The following TBC1D1 variants were observed in gnomAD, a reference collection of about 807,000 sequenced individuals.
TBC1D1 encodes TBC1 domain family member 1.
A neutral mutation model predicts 125.6 loss-of-function variants in TBC1D1; 89 were observed. That is an observed-to-expected ratio of 0.71 (90% CI 0.60 to 0.85). TBC1D1 has a LOEUF of 0.85. TBC1D1 is among the 40% of genes least tolerant of loss of function. TBC1D1 has a pLI of 0.00. For missense variants in TBC1D1, 1,377 were observed against 1,469.2 expected, an observed-to-expected ratio of 0.94 and a Z score of 1.03; for synonymous variants, 565 against 564.1, an observed-to-expected ratio of 1.00 and a Z score of -0.02.
chr4:38,065,031 A>G (rs148852108), intron 12 of TBC1D1, among the ~76,000 whole-genome samples: 61 of 152,094 alleles, frequency 4.0e-4, no homozygotes, highest in African/African-American at 1.3e-3. Context: ...CCTGAGTTCA[A>G]GTGATTCTCC....
At chr4:37,965,981 G>A (rs1341312174) in intron 2 of TBC1D1, among the ~76,000 whole-genome samples, 1 of 151,932 alleles carries the variant, frequency 6.6e-6, no homozygotes, top group African/African-American at 2.4e-5. Context: ...TCCTGACCTC[G>A]AGTGATTCAC....
intron 11 of TBC1D1, 96 bp from the exon 12 acceptor site, chr4:38,051,803 C>T: frequency 8.1e-7 from 1 of 1,236,926 alleles, no homozygotes; most frequent in Non-Finnish European, 1.1e-6. Context: ...AACAACGAGA[C>T]AAAAGCGGTG....
chr4:38,133,251 G>T lies in TBC1D1; in HGVS notation c.3300G>T (p.Gln1100His), dbSNP rs941735780. The T allele has an allele frequency of 3.7e-6, 6 of 1,611,696 alleles. No homozygotes were observed. The highest frequency in any genetic ancestry group is 1.7e-5 in the Admixed American group (1 of 59,396). Reference sequence around the variant, plus strand: ...AACAGAACCTTGACCTCCTTGAACAGTTGCAGGTAGAGCATATTTATAAAG... The same window carrying T: ...AACAGAACCTTGACCTCCTTGAACATTTGCAGGTAGAGCATATTTATAAAG... The change falls in exon 19 of 20, where the codon CAG (glutamine) becomes CAT (histidine). Residue 1100 changes from glutamine to histidine, a missense_variant. By Grantham distance (24) the Gln-to-His change is conservative. Around this residue, in one of 3 missense-constraint regions of TBC1D1, gnomAD observed 543 missense variants for 613.5 expected, o/e 0.89. Transcript: ENST00000261439.
chr4:37,971,148 G>A (rs2152345098), intron 2 of TBC1D1, among the ~76,000 whole-genome samples: 1 of 152,268 alleles, frequency 6.6e-6, no homozygotes, highest in South Asian at 2.1e-4. Flanking sequence ...TGCCTTTCAA[G>A]TCCTCCGTTA....
chr4:38,084,024 G>A (rs996365333), intron 12 of TBC1D1, among the ~76,000 whole-genome samples: 1 of 145,370 alleles, frequency 6.9e-6, no homozygotes, highest in African/African-American at 2.6e-5. Flanking sequence ...TGCAAGCTCC[G>A]CCTCCCGGGT....
chr4:37,956,831 T>C (rs139244222), intron 2 of TBC1D1, among the ~76,000 whole-genome samples: 7 of 151,776 alleles, frequency 4.6e-5, no homozygotes, highest in African/African-American at 1.7e-4. Context: ...CCCAGTTACT[T>C]GGGAGGCTGA....
At chr4:37,962,865 T>C (rs1730318088) in intron 2 of TBC1D1, among the ~76,000 whole-genome samples, 1 of 152,244 alleles carries the variant, frequency 6.6e-6, no homozygotes, top group Non-Finnish European at 1.5e-5. Context: ...AAAATCACCC[T>C]AAGTCCAATG....
Position 38,014,493 on chromosome 4 carries a change from C to T in TBC1D1, c.418-16C>T, listed in dbSNP as rs376285348. ...ACACTGCATGTTCCAAATAACACGCCTCTCTCTCTCCTCAGGTGCCTGAGA... is the reference window on the plus strand; with the variant it reads ...ACACTGCATGTTCCAAATAACACGCTTCTCTCTCTCCTCAGGTGCCTGAGA... On this transcript the variant is annotated splice_polypyrimidine_tract_variant and intron_variant, in intron 2 of 19. Coordinates refer to ENST00000261439, the MANE Select transcript of TBC1D1 (RefSeq NM_015173.4). This position sits in a 1 kb window ranked among gnomAD's most constrained non-coding sequence, Gnocchi z 5.1. The T allele has an allele frequency of 4.2e-5, 67 of 1,603,492 alleles. No homozygotes were observed. The highest frequency in any genetic ancestry group is 1.6e-4 in the Middle Eastern group (1 of 6,068).
rs1420409829 is a variant in TBC1D1 at position 38,126,893 on chromosome 4, T to C, written c.3132+1762T>C. The stretch of plus-strand genomic sequence containing the variant: ...CTACACTGCCAAGAGCCTCTGGAGG[T>C]CATTTAATTTAGAGTTTTTCCCTAT... On this transcript the variant is annotated intron_variant, in intron 18 of 19. Coordinates refer to ENST00000261439, the MANE Select transcript of TBC1D1 (RefSeq NM_015173.4). Among the ~76,000 whole-genome samples, 8 of 151,986 alleles carry C rather than the reference T, an allele frequency of 5.3e-5. No homozygotes were observed. In the South Asian group the frequency reaches 1.7e-3, roughly 31 times the overall value.
intron 15 of TBC1D1, among the ~76,000 whole-genome samples, chr4:38,114,796 CT>C (rs1762700576): frequency 6.7e-6 from 1 of 150,088 alleles, no homozygotes; most frequent in Non-Finnish European, 1.5e-5. Flanking sequence ...CTTTTAAACT[CT>C]TTTTGGAAGG....
intron 19 of TBC1D1, among the ~76,000 whole-genome samples, chr4:38,133,884 C>G (rs987222784): frequency 2.0e-5 from 3 of 152,204 alleles, no homozygotes; most frequent in Non-Finnish European, 4.4e-5. Flanking sequence ...GAGACCAGAG[C>G]TGGCCAGGTC....
chr4:38,033,739 T>C (rs1389801502), intron 7 of TBC1D1, among the ~76,000 whole-genome samples: 1 of 152,070 alleles, frequency 6.6e-6, no homozygotes. Flanking sequence ...CTTGATCTTT[T>C]TGCTCTCTCC....
intron 2 of TBC1D1, among the ~76,000 whole-genome samples, chr4:38,013,298 T>G (rs1741927505): frequency 6.6e-6 from 1 of 152,230 alleles, no homozygotes; most frequent in Admixed American, 6.5e-5. Flanking sequence ...TTGGGAATTA[T>G]GTCATGAACA....
intron 11 of TBC1D1, 130 bp downstream of exon 12, chr4:38,052,190 T>TGTGC: frequency 1.6e-6 from 1 of 614,772 alleles, no homozygotes; most frequent in Non-Finnish European, 2.5e-6. Context: ...TGTGTGTGTG[T>TGTGC]GTGTGCGCGC....
chr4:38,010,039 T>C (rs886880837), intron 2 of TBC1D1, among the ~76,000 whole-genome samples: 2 of 152,212 alleles, frequency 1.3e-5, no homozygotes, highest in African/African-American at 4.8e-5. Context: ...TGGGAATAAA[T>C]CCACTGGCCT....
intron 2 of TBC1D1, among the ~76,000 whole-genome samples, chr4:37,982,529 T>C (rs1734540708): frequency 6.6e-6 from 1 of 152,210 alleles, no homozygotes; most frequent in Admixed American, 6.5e-5. Context: ...GCAGAGTTCC[T>C]GTGGAGCACT....
chr4:38,115,855 T>A lies in TBC1D1; in HGVS notation c.2703T>A (p.Leu901=), dbSNP rs1457349695. The A allele has an allele frequency of 6.2e-7, 1 of 1,614,066 alleles. No homozygotes were observed. Among genetic ancestry groups the A allele is most frequent in the Non-Finnish European group, 8.5e-7 (1 of 1,180,036 alleles). ...TCAGCTTTGTAGCAGGCATTTTGCTTCTTCATATGAGTGAGGAAGAGGCGT... is the reference window on the plus strand; with the variant it reads ...TCAGCTTTGTAGCAGGCATTTTGCTACTTCATATGAGTGAGGAAGAGGCGT... The change falls in exon 16 of 20, where the codon CTT becomes CTA. Residue 901 remains leucine, a synonymous_variant. Coordinates refer to ENST00000261439, the MANE Select transcript of TBC1D1 (RefSeq NM_015173.4).
At chr4:38,114,354 C>T (rs187359518) in intron 15 of TBC1D1, among the ~76,000 whole-genome samples, 3 of 152,242 alleles carry the variant, frequency 2.0e-5, no homozygotes, top group Admixed American at 6.5e-5. Context: ...GTTAGGAGAC[C>T]GTAGCTTTCC....
At chr4:37,951,607 T>G (rs1249514213) in intron 2 of TBC1D1, among the ~76,000 whole-genome samples, 1 of 152,184 alleles carries the variant, frequency 6.6e-6, no homozygotes, top group Admixed American at 6.5e-5. Flanking sequence ...TCTTCTGTGG[T>G]CACAGCAGGG....
Sources: gnomAD v4.1 joint callset for allele counts (sites outside exome capture counted in the v4.1 genomes callset) on GRCh38, gnomAD v4.1.1 for gene constraint, gnomAD v4.1.1 regional missense constraint, Gnocchi (gnomAD v3.1) non-coding constraint, MANE v1.5 for transcripts, NCBI Gene and HGNC (gene_info 2026-07-23, HGNC 2026-07-21) for gene names.